Variants in ZNF385B observed in about 807,000 individuals in gnomAD.
ZNF385B encodes zinc finger protein 533.
A neutral mutation model predicts 39.2 loss-of-function variants in ZNF385B; 23 were observed. The ratio of observed to expected loss-of-function variants is 0.59; its 90% CI spans 0.42 to 0.83. ZNF385B has a LOEUF of 0.83. Among genes scored for constraint, ZNF385B ranks in the 40% least tolerant of loss-of-function variants. The probability of loss-of-function intolerance (pLI) is 0.00; values close to 1 mark genes in which losing one functional copy is unlikely to be tolerated. For synonymous variants in ZNF385B, 205 were observed against 222.6 expected (o/e 0.92, Z 0.70); for missense variants, 552 against 598.9 (o/e 0.92, Z 0.82).
intron 6 of ZNF385B, among the ~76,000 whole-genome samples, chr2:179,463,212 G>A (rs557620492): frequency 6.6e-6 from 1 of 152,080 alleles, no homozygotes; most frequent in Admixed American, 6.6e-5. Context: ...TCTCTTATGA[G>A]CTAATGTCTG....
intron 3 of ZNF385B, among the ~76,000 whole-genome samples, chr2:179,630,234 G>T (rs1300183907): frequency 6.6e-6 from 1 of 152,230 alleles, no homozygotes; most frequent in Non-Finnish European, 1.5e-5. Flanking sequence ...TGACTCCTGT[G>T]CAGCCTAACT....
intron 1 of ZNF385B, among the ~76,000 whole-genome samples, chr2:179,797,045 T>C (rs367662296): frequency 1.3e-5 from 2 of 152,126 alleles, no homozygotes; most frequent in Non-Finnish European, 1.5e-5. Flanking sequence ...ATGAATGTAC[T>C]TTTGGGAATG....
chr2:179,832,618 C>A (rs1461686557), intron 1 of ZNF385B, among the ~76,000 whole-genome samples: 1 of 152,176 alleles, frequency 6.6e-6, no homozygotes, highest in East Asian at 1.9e-4. Flanking sequence ...CAAAAGCTTA[C>A]AAATCCACAT....
intron 3 of ZNF385B, among the ~76,000 whole-genome samples, chr2:179,644,589 C>T (rs1032133821): frequency 6.6e-6 from 1 of 152,286 alleles, no homozygotes. Flanking sequence ...GAAAGACTTA[C>T]TCTCATTGTG....
At chr2:179,808,114 G>C (rs1230149886) in intron 1 of ZNF385B, among the ~76,000 whole-genome samples, 1 of 151,684 alleles carries the variant, frequency 6.6e-6, no homozygotes, top group Non-Finnish European at 1.5e-5. Context: ...CTCAATGCAA[G>C]CTCCGCCTCC....
intron 3 of ZNF385B, among the ~76,000 whole-genome samples, chr2:179,641,721 A>T (rs1434084834): frequency 6.6e-6 from 1 of 151,966 alleles, no homozygotes; most frequent in Non-Finnish European, 1.5e-5. Flanking sequence ...ATTTACAGCC[A>T]ACTGGTCCCT....
chr2:179,459,072 C>T (rs777618483), intron 6 of ZNF385B, among the ~76,000 whole-genome samples: 10 of 152,166 alleles, frequency 6.6e-5, no homozygotes, highest in Non-Finnish European at 1.5e-4. Flanking sequence ...CAATAGTCTT[C>T]AAAAGCTTCT....
At chr2:179,481,894 A>C (rs781016008) in intron 6 of ZNF385B, among the ~76,000 whole-genome samples, 134 of 152,194 alleles carry the variant, frequency 8.8e-4, no homozygotes, top group Non-Finnish European at 2.4e-4. Flanking sequence ...AAATAGAGAT[A>C]ATATTTGATA....
At chr2:179,444,854 T>C (rs1574152054) in intron 9 of ZNF385B, 22 bp downstream of exon 9, 4 of 1,595,556 alleles carry the variant, frequency 2.5e-6, no homozygotes, top group Admixed American at 1.7e-5. Flanking sequence ...ACAAAACAGG[T>C]GAGCAGGTGA....
At chr2:179,625,816 G>A (rs1322192945) in intron 3 of ZNF385B, among the ~76,000 whole-genome samples, 1 of 152,104 alleles carries the variant, frequency 6.6e-6, no homozygotes, top group African/African-American at 2.4e-5. Context: ...AGGTCATGTA[G>A]TAAGATCCTT....
rs545690103 is a variant in ZNF385B, at chr2:179,830,804, G to A, written c.-155+30297C>T. Among the ~76,000 whole-genome samples the A allele has an allele frequency of 5.9e-5, 9 of 152,218 alleles. 1 individual carries two copies. The highest frequency in any genetic ancestry group is 5.8e-4 in the East Asian group (3 of 5,172). ...GTATACACATGACAATATGTATCTC[G>A]CAAAATCCATAGACTGTACAACACA... On this transcript the variant is annotated intron_variant, in intron 1 of 9. Coordinates refer to ENST00000410066, the MANE Select transcript of ZNF385B (RefSeq NM_152520.6).
chr2:179,794,655 T>C (rs1221430140), intron 1 of ZNF385B, among the ~76,000 whole-genome samples: 1 of 152,196 alleles, frequency 6.6e-6, no homozygotes, highest in Non-Finnish European at 1.5e-5. Flanking sequence ...AAACATAAGA[T>C]ACGGTCTTGA....
intron 1 of ZNF385B, among the ~76,000 whole-genome samples, chr2:179,792,556 G>C (rs1271713587): frequency 6.9e-6 from 1 of 145,364 alleles, no homozygotes; most frequent in Admixed American, 6.8e-5. Flanking sequence ...TGTATTTTTA[G>C]TAGAGACAGA....
chr2:179,776,126 C>A (rs1039128481), intron 1 of ZNF385B, among the ~76,000 whole-genome samples: 1 of 152,136 alleles, frequency 6.6e-6, no homozygotes, highest in Non-Finnish European at 1.5e-5. Context: ...TTGAATAAAC[C>A]CAACTTTGGA....
chr2:179,642,451 C>A (rs954141189), intron 3 of ZNF385B, among the ~76,000 whole-genome samples: 5 of 152,068 alleles, frequency 3.3e-5, no homozygotes, highest in Admixed American at 3.3e-4. Flanking sequence ...TCAACAACTC[C>A]ATTCCTCTTT....
At chr2:179,839,608 T>C (rs1273103168) in intron 1 of ZNF385B, among the ~76,000 whole-genome samples, 11 of 152,118 alleles carry the variant, frequency 7.2e-5, no homozygotes, top group Non-Finnish European at 1.5e-5. Flanking sequence ...CTATATAAGT[T>C]AGGGTCCCAG....
intron 4 of ZNF385B, among the ~76,000 whole-genome samples, chr2:179,542,764 A>T (rs1267718550): frequency 1.3e-5 from 2 of 152,172 alleles, no homozygotes; most frequent in Non-Finnish European, 2.9e-5. Context: ...TTGTAAAAAA[A>T]AACTGTGACT....
chr2:179,539,626 G>T (rs6722937), intron 4 of ZNF385B, among the ~76,000 whole-genome samples: 10,331 of 152,114 alleles, frequency 0.068, 448 homozygotes, highest in Middle Eastern at 0.19. Context: ...GGAAATAGGA[G>T]ATCCTAATTC....
intron 3 of ZNF385B, among the ~76,000 whole-genome samples, chr2:179,723,810 A>G (rs1700838606): frequency 6.6e-6 from 1 of 152,158 alleles, no homozygotes; most frequent in African/African-American, 2.4e-5. Flanking sequence ...AAAATATTAT[A>G]TATTTTTCAT....
Sources: gnomAD v4.1 joint callset for allele counts (sites outside exome capture counted in the v4.1 genomes callset) on GRCh38, gnomAD v4.1.1 for gene constraint, MANE v1.5 for transcripts, NCBI Gene and HGNC (gene_info 2026-07-23, HGNC 2026-07-21) for gene names.